Variants in PARG observed in about 807,000 individuals in gnomAD.
PARG encodes poly(ADP-ribose) glycohydrolase.
PARG carries 35 observed loss-of-function variants against 113.0 expected under a neutral mutation model. That is an observed-to-expected ratio of 0.31 (90% CI 0.24 to 0.41). The LOEUF (loss-of-function observed/expected upper bound fraction) is 0.41, where lower values mean the gene tolerates loss of function less well. Among genes scored for constraint, PARG ranks in the 10% least tolerant of loss-of-function variants. The pLI is 1.00. For synonymous variants in PARG, 330 were observed against 409.9 expected (o/e 0.81, Z 2.36); for missense variants, 797 against 1,169.4 (o/e 0.68, Z 4.64).
chr10:49,836,699 C>A (rs566094594), intron 15 of PARG, among the ~76,000 whole-genome samples: 14 of 152,288 alleles, frequency 9.2e-5, no homozygotes, highest in African/African-American at 3.1e-4. Context: ...AGATGCTGAA[C>A]TTCTTAGGAA....
intron 16 of PARG, among the ~76,000 whole-genome samples, chr10:49,825,725 C>T (rs1392900538): frequency 6.6e-6 from 1 of 152,086 alleles, no homozygotes; most frequent in Non-Finnish European, 1.5e-5. Flanking sequence ...TGTCTATAAA[C>T]CTTGGTTTCT....
rs1390216587 is a variant in PARG at position 49,919,349 on chromosome 10, C to T, written c.1662+2987G>A. On this transcript the variant is annotated intron_variant, in intron 6 of 17. Transcript: ENST00000616448. ...CCTAAGATAGTGTTCATCAAATGGA[C>T]TCTGGGTAGTATTCCTGGGCAGCCT... is the stretch of plus-strand genomic sequence containing the variant. 5.3e-5 allele frequency among the ~76,000 whole-genome samples: 8 copies of T among 152,202 alleles called. No individual in the cohort carries two copies. The East Asian group carries it at 9.6e-4, about 18-fold the overall frequency.
intron 13 of PARG, among the ~76,000 whole-genome samples, chr10:49,844,131 C>T (rs1394307451): frequency 4.7e-5 from 7 of 149,908 alleles, no homozygotes; most frequent in Middle Eastern, 6.9e-3. Context: ...GGAGACAGAG[C>T]GAGATTCAGT....
intron 15 of PARG, among the ~76,000 whole-genome samples, chr10:49,840,096 G>T (rs201972221): frequency 6.6e-6 from 1 of 152,156 alleles, no homozygotes. Flanking sequence ...ACTAGTAAAA[G>T]ATACTTTTCA....
chr10:49,915,819 G>T (rs1171976285), intron 7 of PARG, 98 bp downstream of exon 7: 7 of 662,426 alleles, frequency 1.1e-5, no homozygotes, highest in South Asian at 5.5e-5. Flanking sequence ...AAAACTAAAA[G>T]ATAATTATCT....
At chr10:49,895,827 C>T (rs782039084) in intron 7 of PARG, among the ~76,000 whole-genome samples, 1 of 152,130 alleles carries the variant, frequency 6.6e-6, no homozygotes, top group Non-Finnish European at 1.5e-5. Context: ...ACTGGTCTTA[C>T]ACATTTTTTG....
intron 4 of PARG, among the ~76,000 whole-genome samples, chr10:49,931,321 C>T (rs1256673395): frequency 3.9e-5 from 6 of 152,196 alleles, no homozygotes; most frequent in Non-Finnish European, 8.8e-5. Context: ...ACTAGACTGC[C>T]ACCGTAGGAC....
intron 8 of PARG, among the ~76,000 whole-genome samples, chr10:49,883,776 G>C (rs1847324633): frequency 1.3e-5 from 2 of 150,252 alleles, no homozygotes; most frequent in South Asian, 2.1e-4. Flanking sequence ...ATTCCAGCCT[G>C]GGGGACAAGG....
At chr10:49,891,641 T>C (rs1249222695) in intron 7 of PARG, among the ~76,000 whole-genome samples, 33 of 122,716 alleles carry the variant, frequency 2.7e-4, no homozygotes, top group Non-Finnish European at 4.7e-4. Flanking sequence ...TTTTTTTTTT[T>C]TTTTTTGAGA....
chr10:49,920,277 CA>C (rs199723137), intron 6 of PARG, among the ~76,000 whole-genome samples: 272 of 150,530 alleles, frequency 1.8e-3, no homozygotes, highest in East Asian at 0.017. Context: ...CCCGTCTCTA[CA>C]AAAAACTAAA....
chr10:49,859,699 C>T (rs1846165127), intron 12 of PARG, among the ~76,000 whole-genome samples: 1 of 152,134 alleles, frequency 6.6e-6, no homozygotes, highest in South Asian at 2.1e-4. Context: ...GAAATACATT[C>T]AATGTGTATG....
chr10:49,903,902 T>G (rs187970400), intron 7 of PARG, among the ~76,000 whole-genome samples: 1 of 152,202 alleles, frequency 6.6e-6, no homozygotes, highest in African/African-American at 2.4e-5. Flanking sequence ...TTAAGATCTA[T>G]GCTTCAGATA....
In PARG at chr10:49,922,364, T is replaced by C; in HGVS notation, c.1634A>G (p.Asn545Ser). The C allele has an allele frequency of 6.2e-7, 1 of 1,605,188 alleles. No homozygotes were observed. The highest frequency in any genetic ancestry group is 8.5e-7 in the Non-Finnish European group (1 of 1,176,556). Residue 545 changes from asparagine (N) to serine (S), a missense_variant, in exon 6 of 18, where the codon AAC becomes AGC. Physicochemically the swap from Asn to Ser is conservative, Grantham distance 46 (BLOSUM62 1). Transcript: ENST00000616448. ...CAAGTTTTGGGGTCGTGTAAATTTG[T>C]TGAGAAGTGCAGTCTGAATGAGCTC... ...RWELIQTALL[N>S]KFTRPQNLKD...
intron 16 of PARG, among the ~76,000 whole-genome samples, chr10:49,830,115 G>A (rs1038608659): frequency 1.3e-5 from 2 of 152,066 alleles, no homozygotes; most frequent in African/African-American, 4.8e-5. Context: ...AGTCACCAGA[G>A]CAAGCACAGC....
chr10:49,910,427 G>C (rs189180256), intron 7 of PARG, among the ~76,000 whole-genome samples: 4 of 152,186 alleles, frequency 2.6e-5, no homozygotes, highest in Admixed American at 1.3e-4. Flanking sequence ...CTAAAGTCTA[G>C]GTTTTTCATT....
intron 15 of PARG, among the ~76,000 whole-genome samples, chr10:49,836,235 T>C (rs1452151113): frequency 2.0e-5 from 3 of 151,662 alleles, no homozygotes; most frequent in African/African-American, 7.3e-5. Flanking sequence ...CTACTATACT[T>C]CTTTAACTTA....
At position 49,818,334 on chromosome 10, in the gene PARG, C is replaced by T. The variant is rs992205196; in HGVS notation, c.*1006G>A. The stretch of plus-strand genomic sequence containing the variant: ...TTTTATGTGCTCACATATAGACACA[C>T]TTAAAGAGCATACGTTTATATATAC... On this transcript the variant is annotated 3_prime_UTR_variant, in exon 18 of 18. Transcript: ENST00000616448. 6.6e-6 allele frequency: 1 copy of T among 152,490 alleles called. No homozygotes were observed. The highest frequency in any genetic ancestry group is 2.4e-5 in the African/African-American group (1 of 41,412). 9.4% of individuals were successfully genotyped at this position (152,490 alleles called of 1,614,324 possible).
rs1838605438 is a variant in PARG, at chr10:49,933,710, G to A, written c.738C>T (p.Asp246=). The part of the protein sequence containing the change: ...KCSKSCDPGE[D]CASCQQDEID... ...TCTCATCTTGCTGACAACTTGCACA[G>A]TCTTCCCCAGGATCGCAAGACTTGC... Residue 246 remains aspartate (D), a synonymous_variant, in exon 3 of 18, where the codon GAC becomes GAT. Coordinates refer to ENST00000616448, the MANE Select transcript of PARG (RefSeq NM_003631.5). 4.3e-6 allele frequency: 7 copies of A among 1,611,608 alleles called. No individual in the cohort carries two copies. The Middle Eastern group carries it at 5.0e-4, about 114-fold the overall frequency.
At chr10:49,908,115 C>G (rs117272564) in intron 7 of PARG, among the ~76,000 whole-genome samples, 1 of 152,158 alleles carries the variant, frequency 6.6e-6, no homozygotes, top group African/African-American at 2.4e-5. Context: ...AATAACAACT[C>G]TAACTTCATC....
Sources: gnomAD v4.1 joint callset for allele counts (sites outside exome capture counted in the v4.1 genomes callset) on GRCh38, gnomAD v4.1.1 for gene constraint, MANE v1.5 for transcripts, NCBI Gene and HGNC (gene_info 2026-07-23, HGNC 2026-07-21) for gene names.